The following STIM1 variants were observed in gnomAD, a reference collection of about 807,000 sequenced individuals.
The protein encoded by STIM1 is stromal interaction molecule 1.
In STIM1, 25 loss-of-function variants were observed where a neutral mutation model predicts 74.7. That is an observed-to-expected ratio of 0.33 (90% confidence interval 0.24 to 0.47). The LOEUF (loss-of-function observed/expected upper bound fraction) is 0.47, where lower values mean the gene tolerates loss of function less well. Among genes scored for constraint, STIM1 ranks in the 20% least tolerant of loss-of-function variants. The pLI is 1.00. For synonymous variants in STIM1, 328 were observed against 348.8 expected (o/e 0.94, Z 0.66); for missense variants, 728 against 920.8 (o/e 0.79, Z 2.71).
intron 1 of STIM1, among the ~76,000 whole-genome samples, chr11:3,897,528 A>G (rs2092218652): frequency 6.6e-6 from 1 of 151,926 alleles, no homozygotes; most frequent in Admixed American, 6.6e-5. Context: ...TATTATTATT[A>G]TACTTTAAGT....
chr11:3,936,613 G>A (rs895452218), intron 1 of STIM1, among the ~76,000 whole-genome samples: 4 of 152,158 alleles, frequency 2.6e-5, no homozygotes, highest in Non-Finnish European at 5.9e-5. Flanking sequence ...AACTGGAATA[G>A]AAACATAGAA....
intron 2 of STIM1, among the ~76,000 whole-genome samples, chr11:4,012,919 G>T (rs2093853397): frequency 6.6e-6 from 1 of 152,162 alleles, no homozygotes; most frequent in Non-Finnish European, 1.5e-5. Flanking sequence ...AGTTTATTGA[G>T]AGTGTTTAGC....
chr11:3,929,955 T>C (rs1284460051), intron 1 of STIM1, among the ~76,000 whole-genome samples: 3 of 152,126 alleles, frequency 2.0e-5, no homozygotes, highest in Non-Finnish European at 2.9e-5. Flanking sequence ...GCCTGCTTGC[T>C]GGTAATTTCT....
intron 9 of STIM1, 69 bp from the exon 10 acceptor site, chr11:4,083,194 G>A (rs2094474154): frequency 2.0e-6 from 3 of 1,505,706 alleles, no homozygotes; most frequent in South Asian, 2.3e-5. Context: ...GTTCCTCTGA[G>A]AAGAGGCTTC....
chr11:4,040,999 G>T (rs1459147637), intron 3 of STIM1, among the ~76,000 whole-genome samples: 2 of 152,220 alleles, frequency 1.3e-5, no homozygotes, highest in Non-Finnish European at 2.9e-5. Flanking sequence ...CAGATGAGAA[G>T]CTGCTAGTGG....
chr11:4,068,016 A>G (rs1209800021), intron 5 of STIM1, among the ~76,000 whole-genome samples: 3 of 152,194 alleles, frequency 2.0e-5, no homozygotes, highest in Admixed American at 6.5e-5. Context: ...TCCGGACTTT[A>G]TCTATACATT....
intron 1 of STIM1, among the ~76,000 whole-genome samples, chr11:3,910,669 T>C (rs2135477068): frequency 6.6e-6 from 1 of 152,240 alleles, no homozygotes; most frequent in East Asian, 1.9e-4. Context: ...TATATGAATT[T>C]CACCTCAATA....
At chr11:4,048,119 C>T (rs1384166200) in intron 3 of STIM1, among the ~76,000 whole-genome samples, 2 of 152,106 alleles carry the variant, frequency 1.3e-5, no homozygotes, top group Admixed American at 6.6e-5. Context: ...CGTGCCTGGC[C>T]AAGACCTGTG....
chr11:3,879,661 C>G (rs2091429028), intron 1 of STIM1, among the ~76,000 whole-genome samples: 2 of 152,194 alleles, frequency 1.3e-5, no homozygotes, highest in African/African-American at 4.8e-5. Flanking sequence ...GGTGACTTCC[C>G]AATGTCATAT....
chr11:3,890,940 G>A (rs906134475), intron 1 of STIM1, among the ~76,000 whole-genome samples: 1 of 152,104 alleles, frequency 6.6e-6, no homozygotes, highest in African/African-American at 2.4e-5. Context: ...CTCTAAACTT[G>A]TAAAAGAATC....
At chr11:4,018,778 T>G (rs1303793033) in intron 2 of STIM1, among the ~76,000 whole-genome samples, 1 of 152,226 alleles carries the variant, frequency 6.6e-6, no homozygotes, top group Non-Finnish European at 1.5e-5. Flanking sequence ...TGTTATTCCT[T>G]GAACATACCA....
At chr11:3,964,045 T>G (rs1346146140) in intron 1 of STIM1, among the ~76,000 whole-genome samples, 4 of 152,254 alleles carry the variant, frequency 2.6e-5, no homozygotes, top group Non-Finnish European at 5.9e-5. Flanking sequence ...ATTTTATTTT[T>G]AAAAAGTCTG....
intron 2 of STIM1, among the ~76,000 whole-genome samples, chr11:4,005,864 A>T (rs953950831): frequency 2.6e-5 from 4 of 152,208 alleles, no homozygotes; most frequent in Non-Finnish European, 5.9e-5. Flanking sequence ...TCTCAGTGGA[A>T]ACAGATATTT....
intron 1 of STIM1, among the ~76,000 whole-genome samples, chr11:3,871,001 T>C (rs1317521335): frequency 6.6e-6 from 1 of 151,318 alleles, no homozygotes; most frequent in Non-Finnish European, 1.5e-5. Context: ...GCCTCCCAAG[T>C]AGCTGGGATT....
At chr11:3,930,719 A>C (rs768383967) in intron 1 of STIM1, among the ~76,000 whole-genome samples, 8 of 152,114 alleles carry the variant, frequency 5.3e-5, no homozygotes, top group African/African-American at 1.9e-4. Context: ...CTATCATACA[A>C]ATTGTTTTTC....
chr11:3,868,163 G>A (rs911975935), intron 1 of STIM1: 1 of 144,856 alleles, frequency 6.9e-6, no homozygotes, highest in Non-Finnish European at 1.5e-5. Context: ...CGAATTTGTG[G>A]AGGTCTTGTT....
chr11:3,917,892 T>C (rs4910863), intron 1 of STIM1, among the ~76,000 whole-genome samples: 57,459 of 152,168 alleles, frequency 0.38, 12,414 homozygotes, highest in Admixed American at 0.48. Flanking sequence ...CAGAAAAGGT[T>C]TGAGGCTTAC....
At chr11:3,976,338 T>TAG (rs2093448389) in intron 2 of STIM1, among the ~76,000 whole-genome samples, 3 of 152,166 alleles carry the variant, frequency 2.0e-5, no homozygotes, top group Admixed American at 2.0e-4. Context: ...AAGGCAAAAC[T>TAG]ATAGGGATGG....
chr11:3,863,216 ATGCATG>A (rs1326642929), intron 1 of STIM1, among the ~76,000 whole-genome samples: 2 of 129,262 alleles, frequency 1.5e-5, no homozygotes, highest in African/African-American at 3.1e-5. Context: ...ATTTGAGACA[ATGCATG>A]TGTGTGTGTG....
Sources: allele counts gnomAD v4.1 joint callset (sites outside exome capture counted in the v4.1 genomes callset), GRCh38; gene constraint gnomAD v4.1.1; transcripts MANE v1.5; gene names NCBI Gene and HGNC (gene_info 2026-07-23, HGNC 2026-07-21).